RBFOX1: variants seen among roughly 807,000 people sequenced by gnomAD.
RBFOX1 encodes the protein RNA binding protein fox-1 homolog 1.
RBFOX1 carries 8 observed loss-of-function variants against 57.7 expected under a neutral mutation model. The observed-to-expected ratio is 0.14, with a 90% confidence interval of 0.08 to 0.25. The LOEUF is 0.25. Ranked by LOEUF, RBFOX1 falls within the 10% of genes least tolerant of loss-of-function variation. The pLI, the probability that RBFOX1 is intolerant of heterozygous loss-of-function variation, is 1.00. For synonymous variants in RBFOX1, 326 were observed against 222.4 expected (o/e 1.47, Z -4.15); for missense variants, 611 against 548.5 (o/e 1.11, Z -1.14).
At chr16:6,929,259 C>T (rs1049182390) in intron 3 of RBFOX1, among the ~76,000 whole-genome samples, 1 of 152,060 alleles carries the variant, frequency 6.6e-6, no homozygotes, top group Non-Finnish European at 1.5e-5. Flanking sequence ...GAAGATATTG[C>T]TAAGGGTTGG....
At chr16:5,489,881 C>T (rs2042767810) in intron 2 of RBFOX1, among the ~76,000 whole-genome samples, 1 of 152,208 alleles carries the variant, frequency 6.6e-6, no homozygotes, top group African/African-American at 2.4e-5. Context: ...CCTGGGCATT[C>T]CAGGTAGCTG....
intron 3 of RBFOX1, among the ~76,000 whole-genome samples, chr16:7,051,242 T>G (rs1365317764): frequency 1.3e-5 from 2 of 152,212 alleles, no homozygotes; most frequent in East Asian, 3.9e-4. Context: ...AATGACCATA[T>G]ATCTCAAAAT....
chr16:7,349,723 A>T (rs184214470), intron 4 of RBFOX1, among the ~76,000 whole-genome samples: 1 of 152,172 alleles, frequency 6.6e-6, no homozygotes. Flanking sequence ...TATTTATTCA[A>T]CATTCAGTGT....
At chr16:6,621,276 A>G (rs771537946) in intron 2 of RBFOX1, among the ~76,000 whole-genome samples, 2 of 151,824 alleles carry the variant, frequency 1.3e-5, no homozygotes, top group Non-Finnish European at 2.9e-5. Context: ...CTTGGCTAAC[A>G]CGGTGAAACC....
intron 5 of RBFOX1, among the ~76,000 whole-genome samples, chr16:7,535,343 T>C (rs983390472): frequency 6.6e-6 from 1 of 152,208 alleles, no homozygotes; most frequent in African/African-American, 2.4e-5. Context: ...TTCATGGATG[T>C]GAGCAATTGG....
intron 2 of RBFOX1, among the ~76,000 whole-genome samples, chr16:6,635,007 C>G (rs1283777985): frequency 7.1e-6 from 1 of 140,866 alleles, no homozygotes; most frequent in Non-Finnish European, 1.5e-5. Flanking sequence ...TAATATAATA[C>G]TTTATTATGT....
intron 4 of RBFOX1, among the ~76,000 whole-genome samples, chr16:7,505,160 T>A (rs913438461): frequency 2.0e-5 from 3 of 151,122 alleles, no homozygotes; most frequent in African/African-American, 7.3e-5. Flanking sequence ...ACATTTTGAA[T>A]GCTTTTGTAC....
chr16:7,133,751 CATT>C (rs1360387184), intron 4 of RBFOX1, among the ~76,000 whole-genome samples: 2 of 151,828 alleles, frequency 1.3e-5, no homozygotes, highest in African/African-American at 4.8e-5. Flanking sequence ...AATAACACAT[CATT>C]AAGAAAAATA....
intron 14 of RBFOX1, among the ~76,000 whole-genome samples, chr16:7,706,930 T>G (rs2082645292): frequency 6.6e-6 from 1 of 152,178 alleles, no homozygotes; most frequent in African/African-American, 2.4e-5. Context: ...TTTTAACACA[T>G]CTGCCCTTGG....
intron 10 of RBFOX1, among the ~76,000 whole-genome samples, chr16:7,613,375 T>A (rs2057892358): frequency 6.6e-6 from 1 of 152,166 alleles, no homozygotes; most frequent in Non-Finnish European, 1.5e-5. Flanking sequence ...TCAGATAATA[T>A]GAGCATCAGA....
chr16:6,176,114 C>G (rs914641458), intron 1 of RBFOX1, among the ~76,000 whole-genome samples: 33 of 151,846 alleles, frequency 2.2e-4, no homozygotes, highest in African/African-American at 7.0e-4. Flanking sequence ...GTTTCTAATC[C>G]CAGCCCTAAA....
chr16:6,351,643 G>C (rs924270905), intron 2 of RBFOX1, among the ~76,000 whole-genome samples: 1 of 151,800 alleles, frequency 6.6e-6, no homozygotes, highest in Non-Finnish European at 1.5e-5. Context: ...CAAAATGTTG[G>C]GATTACAGGC....
chr16:5,603,695 T>C (rs534367639), downstream of RBFOX1, among the ~76,000 whole-genome samples: 13 of 152,270 alleles, frequency 8.5e-5, no homozygotes, highest in Non-Finnish European at 1.6e-4. Flanking sequence ...GTGATTGTGT[T>C]GAGGTGGCAT....
intron 4 of RBFOX1, among the ~76,000 whole-genome samples, chr16:7,508,856 G>A (rs1311617087): frequency 6.6e-6 from 1 of 152,132 alleles, no homozygotes; most frequent in Non-Finnish European, 1.5e-5. Flanking sequence ...TCCAGTAGGG[G>A]AAGATCTCTC....
chr16:6,087,251 C>A (rs1350304778), intron 1 of RBFOX1, among the ~76,000 whole-genome samples: 1 of 152,148 alleles, frequency 6.6e-6, no homozygotes, highest in Non-Finnish European at 1.5e-5. Context: ...AAAGGTGTTT[C>A]CTTAGGCAGA....
At chr16:5,709,833 ATATATATATATTTTTTTTTTTTTTTT>A (rs1481475272) in intron 3 of RBFOX1, among the ~76,000 whole-genome samples, 13 of 7,164 alleles carry the variant, frequency 1.8e-3, no homozygotes, top group South Asian at 0.012. Context: ...ATATATATAT[ATATATATATATTTTTTTTTTTTTTTT>A]TTTTTTTTTT....
chr16:7,353,669 T>C (rs2097166435), intron 4 of RBFOX1, among the ~76,000 whole-genome samples: 1 of 152,188 alleles, frequency 6.6e-6, no homozygotes, highest in South Asian at 2.1e-4. Flanking sequence ...TGGATGAACC[T>C]TGAGAATGTT....
At chr16:7,347,642 C>T (rs147940194) in intron 4 of RBFOX1, among the ~76,000 whole-genome samples, 7 of 152,330 alleles carry the variant, frequency 4.6e-5, no homozygotes, top group Non-Finnish European at 1.0e-4. Flanking sequence ...TAGGCTGTCA[C>T]ACTACTGTGA....
intron 4 of RBFOX1, among the ~76,000 whole-genome samples, chr16:7,183,408 G>T (rs924249366): frequency 5.3e-5 from 8 of 152,160 alleles, no homozygotes; most frequent in Non-Finnish European, 1.0e-4. Flanking sequence ...AGGCCAGTGG[G>T]CACCATGAAA....
Sources: allele counts gnomAD v4.1 joint callset (sites outside exome capture counted in the v4.1 genomes callset), GRCh38; gene constraint gnomAD v4.1.1; transcripts MANE v1.5; gene names NCBI Gene and HGNC (gene_info 2026-07-23, HGNC 2026-07-21).